SLC4A2: variants seen among roughly 807,000 people sequenced by gnomAD.
SLC4A2 encodes solute carrier family 4 member 2, also known as anion exchange protein 2.
In SLC4A2, 36 loss-of-function variants were observed where a neutral mutation model predicts 115.0. The observed-to-expected ratio is 0.31, with a 90% confidence interval of 0.24 to 0.41. The LOEUF is 0.41. SLC4A2 is among the 10% of genes least tolerant of loss of function. The pLI is 1.00. For synonymous variants in SLC4A2, 708 were observed against 708.3 expected, an observed-to-expected ratio of 1.00 and a Z score of 0.01; for missense variants, 1,252 against 1,705.6, an observed-to-expected ratio of 0.73 and a Z score of 4.68.
Position 151,071,844 on chromosome 7 carries a change from G to A in SLC4A2, c.2340+7G>A. 6.2e-7 allele frequency: 1 copy of A among 1,600,964 alleles called. No individual in the cohort carries two copies. Among genetic ancestry groups the A allele is most frequent in the Non-Finnish European group, 8.5e-7 (1 of 1,174,654 alleles). ...TGAGGAGGCCTTCTTCTCGGTGAGG[G>A]CTCTTCTCGCCCATCTCCAGCCGCC... On this transcript the variant is annotated splice_region_variant and intron_variant, in intron 15 of 22. Coordinates refer to ENST00000413384, the MANE Select transcript of SLC4A2 (RefSeq NM_003040.4). The surrounding 1 kb of genome is among the most constrained non-coding windows in gnomAD (Gnocchi z 5.5).
intron 19 of SLC4A2, 23 bp downstream of exon 19, chr7:151,074,864 G>A: frequency 1.3e-6 from 2 of 1,572,994 alleles, no homozygotes; most frequent in Non-Finnish European, 1.7e-6. Context: ...AGCCAAAGGG[G>A]TGTGAGAGGC....
Position 151,070,024 on chromosome 7 carries a change from G to A in SLC4A2, c.1225G>A (p.Asp409Asn). The A allele has an allele frequency of 6.2e-7, 1 of 1,614,144 alleles. No individual in the cohort carries two copies. Among genetic ancestry groups the A allele is most frequent in the African/African-American group, 1.3e-5 (1 of 75,052 alleles). ...GGTGGTGGAGCAGATGGTCATCTCTGACCAGATCAAGGCCGAGGACAGGGC... is the reference window on the plus strand; with the variant it reads ...GGTGGTGGAGCAGATGGTCATCTCTAACCAGATCAAGGCCGAGGACAGGGC... ...HQVVEQMVIS[D>N]QIKAEDRANV... The change falls in exon 9 of 23, where the codon GAC becomes AAC. Residue 409 changes from aspartate to asparagine, a missense_variant. By Grantham distance (23) the Asp-to-Asn change is conservative (BLOSUM62 1). This residue lies in a region of SLC4A2 where 142 missense variants were observed against 153.5 expected (regional missense o/e 0.93). Coordinates refer to ENST00000413384, the MANE Select transcript of SLC4A2 (RefSeq NM_003040.4).
At position 151,074,221 on chromosome 7, in the gene SLC4A2, G is replaced by A. The variant is rs1456996392; in HGVS notation, c.2718G>A (p.Val906=). ...GQPNTALLSL[V]LMAGTFFIAF... ...CCAACACGGCCCTGCTGTCGCTGGTGCTCATGGCCGGCACCTTCTTCATCG... is the reference window on the plus strand; with the variant it reads ...CCAACACGGCCCTGCTGTCGCTGGTACTCATGGCCGGCACCTTCTTCATCG... Residue 906 remains valine (V), a synonymous_variant, in exon 17 of 23, where the codon GTG becomes GTA. Transcript: ENST00000413384. The A allele has an allele frequency of 2.5e-6, 4 of 1,612,824 alleles. No homozygotes were observed. In the African/African-American group the frequency reaches 4.0e-5, roughly 16 times the overall value.
Position 151,066,566 on chromosome 7 carries a change from A to G in SLC4A2, c.628A>G (p.Thr210Ala), listed in dbSNP as rs1209719446. The G allele has an allele frequency of 6.5e-7, 1 of 1,544,688 alleles. No individual in the cohort carries two copies. Residue 210 changes from threonine to alanine, a missense_variant, in exon 6 of 23, where the codon ACT (threonine) becomes GCT (alanine). Physicochemically the swap from Thr to Ala is moderately conservative, Grantham distance 58. Transcript: ENST00000413384. Reference sequence around the variant, plus strand: ...GGAGGCGGTGGCGGTGGCCAGTGGCACTGCAGGGGGTGACGACGGGGGTGC... The same window carrying G: ...GGAGGCGGTGGCGGTGGCCAGTGGCGCTGCAGGGGGTGACGACGGGGGTGC... ...EAEAVAVASG[T>A]AGGDDGGASG...
intron 7 of SLC4A2, 89 bp from the exon 8 acceptor site, chr7:151,067,785 G>C: frequency 8.9e-7 from 1 of 1,121,764 alleles, no homozygotes; most frequent in Non-Finnish European, 1.3e-6. Context: ...AGGGTCACTT[G>C]GCTCCCTCTG....
Position 151,072,056 on chromosome 7 carries a change from G to A in SLC4A2, c.2455G>A (p.Val819Ile), listed in dbSNP as rs752526026. The A allele has an allele frequency of 4.2e-5, 68 of 1,613,956 alleles. No homozygotes were observed. Among genetic ancestry groups the A allele is most frequent in the South Asian group, 6.6e-5 (6 of 91,090 alleles). ...ALEGSFLVRF[V>I]SRFTQEIFAF... ...GGAGGGGAGCTTCCTGGTCCGCTTC[G>A]TCTCCCGCTTCACCCAGGAGATCTT... is the stretch of plus-strand genomic sequence containing the variant. The change falls in exon 16 of 23, where the codon GTC becomes ATC. Residue 819 changes from valine to isoleucine, a missense_variant. Val to Ile is a conservative substitution (Grantham distance 29). Around this residue, in one of 14 missense-constraint regions of SLC4A2, gnomAD observed 118 missense variants for 203.3 expected, o/e 0.58. Coordinates refer to ENST00000413384, the MANE Select transcript of SLC4A2 (RefSeq NM_003040.4).
At position 151,071,729 on chromosome 7, in the gene SLC4A2, T is replaced by C. The variant is rs775473651; in HGVS notation, c.2232T>C (p.Ile744=). The change falls in exon 15 of 23, where the codon ATT becomes ATC. Residue 744 remains isoleucine (I), a synonymous_variant. Coordinates refer to ENST00000413384, the MANE Select transcript of SLC4A2 (RefSeq NM_003040.4). The surrounding 1 kb of genome is among the most constrained non-coding windows in gnomAD (Gnocchi z 5.5). ...TQDLIGVSEL[I]MSTALQGVVF... Reference sequence around the variant, plus strand: ...ACCTGATAGGGGTGTCGGAGCTGATTATGTCCACAGCGCTCCAGGGCGTGG... The same window carrying C: ...ACCTGATAGGGGTGTCGGAGCTGATCATGTCCACAGCGCTCCAGGGCGTGG... 1.9e-6 allele frequency: 3 copies of C among 1,611,902 alleles called. No homozygotes were observed. The highest frequency in any genetic ancestry group is 2.5e-6 in the Non-Finnish European group (3 of 1,179,038).
intron 5 of SLC4A2, among the ~76,000 whole-genome samples, chr7:151,065,622 G>C: frequency 6.6e-6 from 1 of 152,220 alleles, no homozygotes; most frequent in Non-Finnish European, 1.5e-5. Context: ...GCAGCGTGAA[G>C]GGCTGCGGGA....
chr7:151,063,539 G>A (rs1278348264), intron 2 of SLC4A2, among the ~76,000 whole-genome samples: 20 of 152,018 alleles, frequency 1.3e-4, no homozygotes, highest in Admixed American at 1.3e-3. Flanking sequence ...GGGCTGGGCT[G>A]GGATGAGGGT....
At position 151,070,488 on chromosome 7, in the gene SLC4A2, G is replaced by A; in HGVS notation, c.1481G>A (p.Gly494Asp). Residue 494 changes from glycine to aspartate, a missense_variant, in exon 11 of 23, where the codon GGC (glycine) becomes GAC (aspartate). By Grantham distance (94) the Gly-to-Asp change is moderately conservative. Around this residue, in one of 14 missense-constraint regions of SLC4A2, gnomAD observed 142 missense variants for 153.5 expected, o/e 0.93. Transcript: ENST00000413384. ...RELPPPAPPA[G>D]ITRSKSKHEL... ...CTGCCGCCTCCAGCACCACCAGCTG[G>A]CATCACCCGCTCCAAGTCCAAGCAC... The A allele has an allele frequency of 6.2e-7, 1 of 1,613,472 alleles. No homozygotes were observed. Among genetic ancestry groups the A allele is most frequent in the East Asian group, 2.2e-5 (1 of 44,854 alleles).
chr7:151,067,923 A>G lies in SLC4A2; in HGVS notation c.1016A>G (p.Gln339Arg), dbSNP rs761691830. ...ELLLDKNQEPQWRETARWIKF... is the reference protein window; with the variant it reads ...ELLLDKNQEPRWRETARWIKF... Reference sequence around the variant, plus strand: ...CTCCTGGACAAAAACCAGGAGCCCCAGTGGCGGGAGACAGCTCGCTGGATC... The same window carrying G: ...CTCCTGGACAAAAACCAGGAGCCCCGGTGGCGGGAGACAGCTCGCTGGATC... The change falls in exon 8 of 23, where the codon CAG becomes CGG. Residue 339 changes from glutamine to arginine, a missense_variant. This residue lies in a region of SLC4A2 where 29 missense variants were observed against 80.9 expected (regional missense o/e 0.36). Transcript: ENST00000413384. The G allele has an allele frequency of 9.3e-6, 15 of 1,611,370 alleles. No homozygotes were observed. The highest frequency in any genetic ancestry group is 1.3e-5 in the Non-Finnish European group (15 of 1,179,292).
In SLC4A2 at chr7:151,074,216, C is replaced by T. The variant is rs764355860; in HGVS notation, c.2713C>T (p.Leu905=). The change falls in exon 17 of 23, where the codon CTG becomes TTG. Residue 905 remains leucine (L), a synonymous_variant. Coordinates refer to ENST00000413384, the MANE Select transcript of SLC4A2 (RefSeq NM_003040.4). The part of the protein sequence containing the change: ...RGQPNTALLS[L]VLMAGTFFIA... Reference sequence around the variant, plus strand: ...CCAGCCCAACACGGCCCTGCTGTCGCTGGTGCTCATGGCCGGCACCTTCTT... The same window carrying T: ...CCAGCCCAACACGGCCCTGCTGTCGTTGGTGCTCATGGCCGGCACCTTCTT... 3 of 1,613,054 alleles carry T rather than the reference C, an allele frequency of 1.9e-6. No individual in the cohort carries two copies. Among genetic ancestry groups the T allele is most frequent in the South Asian group, 2.2e-5 (2 of 91,082 alleles).
chr7:151,071,950 C>T lies in SLC4A2; in HGVS notation c.2349C>T (p.Ser783=). 1 of 1,613,966 alleles carries T rather than the reference C, an allele frequency of 6.2e-7. No individual in the cohort carries two copies. Among genetic ancestry groups the T allele is most frequent in the Non-Finnish European group, 8.5e-7 (1 of 1,179,918 alleles). ...VFEEAFFSFC[S]SNHLEYLVGR... is the part of the protein sequence containing the mutation. ...ACTGCCCCTCCCTCCAGTTCTGTAG[C>T]AGCAACCACCTGGAGTACCTGGTGG... is the stretch of plus-strand genomic sequence containing the variant. Residue 783 remains serine, a synonymous_variant, in exon 16 of 23, where the codon AGC becomes AGT. Transcript: ENST00000413384. This position sits in a 1 kb window ranked among gnomAD's most constrained non-coding sequence, Gnocchi z 5.5.
In SLC4A2 at chr7:151,075,438, TG is replaced by T; in HGVS notation, c.3235del (p.Asp1079ThrfsTer13). ...CTGTCATGAGCAAGGCTGTGGCACC[TG>T]GGGACAAGCCCAAGATTCAGGAAGT... is the stretch of plus-strand genomic sequence containing the variant. ...LTVMSKAVAP[G>X]DKPKIQEVKE... On this transcript the variant is annotated frameshift_variant, in exon 20 of 23. Transcript: ENST00000413384. LOFTEE classifies it high-confidence loss of function. 1 of 1,605,398 alleles carries T rather than the reference TG, an allele frequency of 6.2e-7. No homozygotes were observed.
chr7:151,071,213 C>G lies in SLC4A2; in HGVS notation c.1891C>G (p.Arg631Gly), dbSNP rs370325908. ...ELLRSVAHFQRQMLKKREEQG... is the reference protein window; with the variant it reads ...ELLRSVAHFQGQMLKKREEQG... ...GCTGCGCTCTGTGGCCCACTTCCAG[C>G]GCCAGATGCTCAAGAAGCGAGAGGA... Residue 631 changes from arginine (R) to glycine (G), a missense_variant, in exon 13 of 23, where the codon CGC becomes GGC. Around this residue, in one of 14 missense-constraint regions of SLC4A2, gnomAD observed 122 missense variants for 116.8 expected, o/e 1.04. Transcript: ENST00000413384. The surrounding 1 kb of genome is among the most constrained non-coding windows in gnomAD (Gnocchi z 5.5). The G allele has an allele frequency of 1.3e-6, 2 of 1,598,628 alleles. No homozygotes were observed. The highest frequency in any genetic ancestry group is 1.1e-5 in the South Asian group (1 of 88,884).
At chr7:151,069,220 G>A (rs191774626) in intron 8 of SLC4A2, among the ~76,000 whole-genome samples, 34 of 144,902 alleles carry the variant, frequency 2.3e-4, no homozygotes, top group African/African-American at 7.8e-4. Flanking sequence ...TCCATAGGCC[G>A]TGAGTGAGGC....
At position 151,066,768 on chromosome 7, in the gene SLC4A2, G is replaced by A. The variant is rs749401232; in HGVS notation, c.823+7G>A. ...GACCTAGACCTCATGAAGAGTAAGT[G>A]CTGGGCCTTGGCCAAGCCCGGCACT... is the stretch of plus-strand genomic sequence containing the variant. On this transcript the variant is annotated splice_region_variant and intron_variant, in intron 6 of 22. Coordinates refer to ENST00000413384, the MANE Select transcript of SLC4A2 (RefSeq NM_003040.4). 1.9e-6 allele frequency: 3 copies of A among 1,575,596 alleles called. No homozygotes were observed. The highest frequency in any genetic ancestry group is 2.6e-6 in the Non-Finnish European group (3 of 1,160,174).
intron 21 of SLC4A2, 45 bp downstream of exon 21, chr7:151,075,820 T>C: frequency 6.4e-7 from 1 of 1,574,690 alleles, no homozygotes; most frequent in Non-Finnish European, 8.7e-7. Flanking sequence ...CCTCTGGCCA[T>C]CCTGGTCTAC....
chr7:151,071,845 C>T lies in SLC4A2; in HGVS notation c.2340+8C>T. On this transcript the variant is annotated splice_region_variant and intron_variant, in intron 15 of 22. Transcript: ENST00000413384. The surrounding 1 kb of genome is among the most constrained non-coding windows in gnomAD (Gnocchi z 5.5). The stretch of plus-strand genomic sequence containing the variant: ...GAGGAGGCCTTCTTCTCGGTGAGGG[C>T]TCTTCTCGCCCATCTCCAGCCGCCC... 1 of 1,598,984 alleles carries T rather than the reference C, an allele frequency of 6.3e-7. No individual in the cohort carries two copies. Among genetic ancestry groups the T allele is most frequent in the South Asian group, 1.1e-5 (1 of 89,996 alleles).
Sources: gnomAD v4.1 joint callset for allele counts (sites outside exome capture counted in the v4.1 genomes callset) on GRCh38, gnomAD v4.1.1 for gene constraint, gnomAD v4.1.1 regional missense constraint, Gnocchi (gnomAD v3.1) non-coding constraint, MANE v1.5 for transcripts, NCBI Gene and HGNC (gene_info 2026-07-23, HGNC 2026-07-21) for gene names.